RBFOX1: variants seen among roughly 807,000 people sequenced by gnomAD.
RBFOX1 encodes the protein RNA binding protein fox-1 homolog 1.
Under a neutral mutation model 57.7 loss-of-function variants are expected in RBFOX1, and 8 were observed. The ratio of observed to expected loss-of-function variants is 0.14; its 90% CI spans 0.08 to 0.25. RBFOX1 has a LOEUF of 0.25. RBFOX1 is among the 10% of genes least tolerant of loss of function. The probability of loss-of-function intolerance (pLI) is 1.00; values close to 1 mark genes in which losing one functional copy is unlikely to be tolerated. For synonymous variants in RBFOX1, 326 were observed against 222.4 expected (o/e 1.47, Z -4.15); for missense variants, 611 against 548.5 (o/e 1.11, Z -1.14).
chr16:6,808,160 A>ATGTGTGTGTGTGTGTGTGTGTG (rs373756020), intron 3 of RBFOX1, among the ~76,000 whole-genome samples: 40 of 140,108 alleles, frequency 2.9e-4, no homozygotes, highest in African/African-American at 1.0e-3. Context: ...TACCTTATAT[A>ATGTGTGTGTGTGTGTGTGTGTG]TGTGTGTGTG....
chr16:6,016,969 AAT>A (rs1333956081), upstream of RBFOX1, among the ~76,000 whole-genome samples: 1 of 152,258 alleles, frequency 6.6e-6, no homozygotes, highest in Non-Finnish European at 1.5e-5. Flanking sequence ...GCCATGTAGC[AAT>A]ACAGGTACCA....
intron 4 of RBFOX1, among the ~76,000 whole-genome samples, chr16:7,486,093 C>T (rs1361602269): frequency 7.2e-6 from 1 of 138,394 alleles, no homozygotes; most frequent in East Asian, 2.2e-4. Flanking sequence ...ACTGTGCTGT[C>T]TGTGGGTATT....
chr16:6,440,135 C>T (rs1451139972), intron 2 of RBFOX1, among the ~76,000 whole-genome samples: 5 of 151,896 alleles, frequency 3.3e-5, no homozygotes, highest in Non-Finnish European at 7.4e-5. Flanking sequence ...CGGGGCTTCA[C>T]CATGTTGGCC....
At chr16:6,144,993 A>C (rs1006232237) in intron 1 of RBFOX1, among the ~76,000 whole-genome samples, 3 of 152,150 alleles carry the variant, frequency 2.0e-5, no homozygotes, top group Non-Finnish European at 4.4e-5. Flanking sequence ...CAAGCCAGTG[A>C]GATAAGACCC....
chr16:7,227,347 C>T (rs938661189), intron 4 of RBFOX1, among the ~76,000 whole-genome samples: 2 of 132,992 alleles, frequency 1.5e-5, no homozygotes, highest in Non-Finnish European at 1.6e-5. Context: ...TCTTTTCTTT[C>T]CCTGCCCCCT....
intron 1 of RBFOX1, among the ~76,000 whole-genome samples, chr16:6,270,166 C>T (rs907051393): frequency 3.4e-5 from 5 of 148,506 alleles, no homozygotes; most frequent in Admixed American, 2.8e-4. Flanking sequence ...AAAAGGCAAA[C>T]TGAAAAACAC....
At chr16:5,942,732 G>C (rs981002670) in intron 4 of RBFOX1, among the ~76,000 whole-genome samples, 3 of 152,148 alleles carry the variant, frequency 2.0e-5, no homozygotes, top group African/African-American at 4.8e-5. Context: ...GTAGTTTGTA[G>C]GTTAAAGACA....
At chr16:7,002,149 A>G (rs1012846633) in intron 3 of RBFOX1, among the ~76,000 whole-genome samples, 1 of 151,904 alleles carries the variant, frequency 6.6e-6, no homozygotes, top group Admixed American at 6.6e-5. Flanking sequence ...GTCTAGGGTT[A>G]TTGTGGCCAT....
At chr16:6,757,126 A>T (rs756766168) in intron 3 of RBFOX1, among the ~76,000 whole-genome samples, 1 of 152,234 alleles carries the variant, frequency 6.6e-6, no homozygotes, top group Admixed American at 6.5e-5. Flanking sequence ...TAGAACGACT[A>T]TTATCAAAAA....
At chr16:6,463,046 A>G (rs1252998643) in intron 2 of RBFOX1, among the ~76,000 whole-genome samples, 1 of 152,146 alleles carries the variant, frequency 6.6e-6, no homozygotes, top group East Asian at 1.9e-4. Flanking sequence ...AGTCCACTTA[A>G]AAGTACTTTG....
chr16:6,461,899 G>C lies in RBFOX1; in HGVS notation c.-64+144842G>C, dbSNP rs145721678. 8.1e-4 allele frequency among the ~76,000 whole-genome samples: 124 copies of C among 152,226 alleles called. 2 individuals carry two copies. The highest frequency in any genetic ancestry group is 2.8e-3 in the African/African-American group (117 of 41,536). ...TGTTCAGTACATTTAATTATGCTTT[G>C]TTAAACAGCCTGTATTAGCTTTTGG... On this transcript the variant is annotated intron_variant, in intron 2 of 15. Coordinates refer to ENST00000550418, the MANE Select transcript of RBFOX1 (RefSeq NM_018723.4).
chr16:7,442,819 G>C (rs538251768), intron 4 of RBFOX1, among the ~76,000 whole-genome samples: 5 of 152,274 alleles, frequency 3.3e-5, no homozygotes, highest in Middle Eastern at 3.4e-3. Flanking sequence ...GGTCAGGGTG[G>C]CTGGGTGATT....
intron 3 of RBFOX1, among the ~76,000 whole-genome samples, chr16:6,998,075 G>C (rs907227856): frequency 7.9e-5 from 12 of 151,952 alleles, no homozygotes; most frequent in African/African-American, 2.9e-4. Context: ...AAAAAATATA[G>C]ATATAAATAT....
At chr16:5,913,488 G>C (rs1017629660) in intron 4 of RBFOX1, among the ~76,000 whole-genome samples, 3 of 152,262 alleles carry the variant, frequency 2.0e-5, no homozygotes, top group South Asian at 4.1e-4. Flanking sequence ...TATCTCTCTT[G>C]CTTCCTCTTC....
chr16:5,711,229 T>G (rs772502563), intron 3 of RBFOX1, among the ~76,000 whole-genome samples: 2 of 152,242 alleles, frequency 1.3e-5, no homozygotes, highest in Admixed American at 6.5e-5. Context: ...AGTAACTCAT[T>G]TAATCTGCAG....
intron 3 of RBFOX1, among the ~76,000 whole-genome samples, chr16:5,820,492 C>A (rs1040986812): frequency 6.6e-6 from 1 of 152,144 alleles, no homozygotes; most frequent in Admixed American, 6.5e-5. Flanking sequence ...GCTGCCCGCA[C>A]GTTTCTAGCC....
At chr16:6,534,987 A>G (rs1003663862) in intron 2 of RBFOX1, among the ~76,000 whole-genome samples, 15 of 152,158 alleles carry the variant, frequency 9.9e-5, no homozygotes, top group Admixed American at 7.2e-4. Context: ...TTCTGCAAAT[A>G]CAAATGGTAT....
chr16:7,087,900 C>G (rs1239721000), intron 4 of RBFOX1, among the ~76,000 whole-genome samples: 1 of 152,130 alleles, frequency 6.6e-6, no homozygotes, highest in Non-Finnish European at 1.5e-5. Flanking sequence ...TTCTCTTTCT[C>G]TCTCTCTCTC....
chr16:7,408,724 T>C (rs1039753417), intron 4 of RBFOX1, among the ~76,000 whole-genome samples: 11 of 152,166 alleles, frequency 7.2e-5, no homozygotes, highest in Non-Finnish European at 1.2e-4. Context: ...CCATGCATTG[T>C]AGGATATTGA....
Sources: allele counts gnomAD v4.1 joint callset (sites outside exome capture counted in the v4.1 genomes callset), GRCh38; gene constraint gnomAD v4.1.1; transcripts MANE v1.5; gene names NCBI Gene and HGNC (gene_info 2026-07-23, HGNC 2026-07-21).